The following USP3 variants were observed in gnomAD, a reference collection of about 807,000 sequenced individuals.
USP3 encodes the protein ubiquitin specific peptidase 3, also known as ubiquitin carboxyl-terminal hydrolase 3.
A neutral mutation model predicts 72.3 loss-of-function variants in USP3; 20 were observed. That is an observed-to-expected ratio of 0.28 (90% confidence interval 0.19 to 0.40). The LOEUF (loss-of-function observed/expected upper bound fraction) is 0.40, where lower values mean the gene tolerates loss of function less well. Ranked by LOEUF, USP3 falls within the 10% of genes least tolerant of loss-of-function variation. The pLI is 1.00. For synonymous variants in USP3, 222 were observed against 225.3 expected (o/e 0.99, Z 0.13); for missense variants, 479 against 633.9 (o/e 0.76, Z 2.62).
In USP3 at chr15:63,574,199, A is replaced by G. The variant is rs371968108; in HGVS notation, c.1015+47A>G. Reference sequence around the variant, plus strand: ...GATATATAATATTTTATTAAAATAAATTTAATGTTTCCTTCAAAAAATAAG... The same window carrying G: ...GATATATAATATTTTATTAAAATAAGTTTAATGTTTCCTTCAAAAAATAAG... On this transcript the variant is annotated intron_variant, in intron 10 of 14. Coordinates refer to ENST00000380324, the MANE Select transcript of USP3 (RefSeq NM_006537.4). This position sits in a 1 kb window ranked among gnomAD's most constrained non-coding sequence, Gnocchi z 4.6. 2 of 1,413,932 alleles carry G rather than the reference A, an allele frequency of 1.4e-6. No individual in the cohort carries two copies. Among genetic ancestry groups the G allele is most frequent in the African/African-American group, 3.0e-5 (2 of 67,712 alleles). The allele number at this position is 1,413,932 out of a possible 1,614,324, so 87.6% of individuals were successfully genotyped here. A position where few individuals can be genotyped will look rare whatever the true frequency, so the allele number is the denominator to read the frequency against.
chr15:63,584,229 C>G (rs1051422578), intron 11 of USP3, among the ~76,000 whole-genome samples: 1 of 151,124 alleles, frequency 6.6e-6, no homozygotes, highest in Non-Finnish European at 1.5e-5. Context: ...TCCCTAGTAG[C>G]TGGGACTACA....
At chr15:63,562,451 G>A (rs1427961516) in intron 7 of USP3, among the ~76,000 whole-genome samples, 1 of 152,190 alleles carries the variant, frequency 6.6e-6, no homozygotes, top group Non-Finnish European at 1.5e-5. Context: ...AGTCACTGGT[G>A]GAGAGCTGAG....
In USP3 at chr15:63,588,470, C is replaced by A; in HGVS notation, c.1215+47C>A. 7.5e-7 allele frequency: 1 copy of A among 1,330,634 alleles called. No homozygotes were observed. Among genetic ancestry groups the A allele is most frequent in the Non-Finnish European group, 1.1e-6 (1 of 941,140 alleles). The allele number at this position is 1,330,634 out of a possible 1,614,324, so 82.4% of individuals were successfully genotyped here. ...ATGAAGCAATTTCAATGGGAAAGTG[C>A]TTGACTGCTAAGACCATGTCTATAA... On this transcript the variant is annotated intron_variant, in intron 12 of 14. Transcript: ENST00000380324. The surrounding 1 kb of genome is among the most constrained non-coding windows in gnomAD (Gnocchi z 4.6).
chr15:63,571,355 G>A (rs571735323), intron 9 of USP3, among the ~76,000 whole-genome samples: 8 of 152,208 alleles, frequency 5.3e-5, no homozygotes, highest in East Asian at 3.9e-4. Context: ...TCCATAAATC[G>A]GATGTGGTAG....
intron 1 of USP3, among the ~76,000 whole-genome samples, chr15:63,532,231 C>A (rs2066086899): frequency 6.6e-6 from 1 of 152,156 alleles, no homozygotes; most frequent in Non-Finnish European, 1.5e-5. Flanking sequence ...AGTAAATAAA[C>A]TGAAAGAATT....
At chr15:63,520,074 CT>C (rs2065899709) in intron 1 of USP3, among the ~76,000 whole-genome samples, 1 of 152,082 alleles carries the variant, frequency 6.6e-6, no homozygotes. Context: ...AGCCCTCATT[CT>C]TTTTGGCTGG....
intron 3 of USP3, among the ~76,000 whole-genome samples, chr15:63,547,339 T>C (rs887126329): frequency 2.6e-5 from 4 of 152,160 alleles, no homozygotes; most frequent in Admixed American, 2.6e-4. Flanking sequence ...TGACTGACTA[T>C]AGGAACACCT....
intron 1 of USP3, chr15:63,532,411 C>T: frequency 1.7e-6 from 1 of 582,712 alleles, no homozygotes; most frequent in Non-Finnish European, 3.1e-6. Context: ...CGTGGTTAAG[C>T]TATTTGGGTT....
intron 1 of USP3, among the ~76,000 whole-genome samples, chr15:63,511,597 C>G (rs1418405942): frequency 6.6e-6 from 1 of 152,130 alleles, no homozygotes; most frequent in Non-Finnish European, 1.5e-5. Flanking sequence ...TGCATTAGTT[C>G]AGACATAATA....
rs528831382 is a variant in USP3, at chr15:63,585,945, T to C, written c.1097-2360T>C. Among the ~76,000 whole-genome samples the C allele has an allele frequency of 3.1e-4, 47 of 152,280 alleles. 1 individual carries two copies. Among genetic ancestry groups the C allele is most frequent in the Non-Finnish European group, 6.0e-4 (41 of 68,006 alleles). On this transcript the variant is annotated intron_variant, in intron 11 of 14. Transcript: ENST00000380324. ...CACAAAATAATTTACTGGTTTGAGA[T>C]TGCACTGAATCTATAGATGAAGTTG...
At position 63,529,141 on chromosome 15, in the gene USP3, G is replaced by A; in HGVS notation, c.92-3506G>A. 1.0e-6 allele frequency: 1 copy of A among 990,960 alleles called. No homozygotes were observed. The highest frequency in any genetic ancestry group is 1.4e-6 in the Non-Finnish European group (1 of 717,334). 61.4% of individuals were successfully genotyped at this position (990,960 alleles called of 1,614,324 possible). On this transcript the variant is annotated intron_variant, in intron 1 of 14. Transcript: ENST00000380324. This position sits in a 1 kb window ranked among gnomAD's most constrained non-coding sequence, Gnocchi z 4.2. ...AGCCTCCCAAGTAGCTGGGACTACA[G>A]ATGCAATCACCACCACACTTGGCAG...
At chr15:63,523,417 C>T (rs915415029) in intron 1 of USP3, among the ~76,000 whole-genome samples, 5 of 152,224 alleles carry the variant, frequency 3.3e-5, no homozygotes, top group African/African-American at 4.8e-5. Context: ...TTCTGAAGCC[C>T]GTGCTTGATA....
rs144774314 is a variant in USP3, at chr15:63,583,479, T to C, written c.1097-4826T>C. ...TCTCTTAAAACAATTTTTTAAAAAATTGTGGTAAAATATACATAGAATAAA... is the reference window on the plus strand; with the variant it reads ...TCTCTTAAAACAATTTTTTAAAAAACTGTGGTAAAATATACATAGAATAAA... On this transcript the variant is annotated intron_variant, in intron 11 of 14. Coordinates refer to ENST00000380324, the MANE Select transcript of USP3 (RefSeq NM_006537.4). Among the ~76,000 whole-genome samples, 500 of 152,260 alleles carry C rather than the reference T, an allele frequency of 3.3e-3. 3 individuals carry two copies. Among genetic ancestry groups the C allele is most frequent in the Non-Finnish European group, 4.3e-3 (293 of 68,012 alleles).
intron 3 of USP3, among the ~76,000 whole-genome samples, chr15:63,549,081 C>G (rs1255820806): frequency 6.6e-6 from 1 of 151,642 alleles, no homozygotes; most frequent in Non-Finnish European, 1.5e-5. Context: ...TTTTTTTAAC[C>G]CAGTATATCA....
chr15:63,582,388 T>C (rs2066979669), intron 11 of USP3, among the ~76,000 whole-genome samples: 1 of 152,210 alleles, frequency 6.6e-6, no homozygotes, highest in Admixed American at 6.5e-5. Flanking sequence ...CCTTCTGCTT[T>C]GGCTGTGATC....
chr15:63,551,923 C>T (rs2066443007), intron 3 of USP3: 1 of 152,116 alleles, frequency 6.6e-6, no homozygotes, highest in Non-Finnish European at 1.5e-5. Context: ...CTTTAACAAA[C>T]GTAATTTTAT....
chr15:63,552,906 A>T (rs965309849), intron 3 of USP3, among the ~76,000 whole-genome samples: 5 of 152,212 alleles, frequency 3.3e-5, no homozygotes, highest in Non-Finnish European at 7.3e-5. Context: ...TGCAAAGCAT[A>T]TTCAAAATAA....
At chr15:63,506,230 G>A (rs1324563765) in intron 1 of USP3, among the ~76,000 whole-genome samples, 7 of 152,108 alleles carry the variant, frequency 4.6e-5, no homozygotes, top group Admixed American at 6.5e-5. Context: ...TAAATCTGTC[G>A]GGATGTTGAG....
At chr15:63,585,048 C>T (rs1273950186) in intron 11 of USP3, among the ~76,000 whole-genome samples, 2 of 152,154 alleles carry the variant, frequency 1.3e-5, no homozygotes, top group Non-Finnish European at 2.9e-5. Context: ...TGTCAAAAAT[C>T]AGTTGACTAT....
Sources: allele counts gnomAD v4.1 joint callset (sites outside exome capture counted in the v4.1 genomes callset), GRCh38; gene constraint gnomAD v4.1.1; non-coding constraint Gnocchi (gnomAD v3.1); transcripts MANE v1.5; gene names NCBI Gene and HGNC (gene_info 2026-07-23, HGNC 2026-07-21).